Variants in LRRC1 observed in about 807,000 individuals in gnomAD.
The protein encoded by LRRC1 is leucine-rich repeat-containing protein 1.
Under a neutral mutation model 69.9 loss-of-function variants are expected in LRRC1, and 28 were observed. The ratio of observed to expected loss-of-function variants is 0.40; its 90% CI spans 0.30 to 0.55. LRRC1 has a LOEUF of 0.55. Ranked by LOEUF, LRRC1 falls within the 20% of genes least tolerant of loss-of-function variation. The pLI is 0.47. For synonymous variants in LRRC1, 236 were observed against 240.2 expected (o/e 0.98, Z 0.16); for missense variants, 498 against 609.0 (o/e 0.82, Z 1.92).
At chr6:53,889,874 C>T (rs1406415413) in intron 4 of LRRC1, among the ~76,000 whole-genome samples, 5 of 152,102 alleles carry the variant, frequency 3.3e-5, no homozygotes, top group South Asian at 2.1e-4. Context: ...CCTGGGAAAC[C>T]GACCCAGTTT....
At chr6:53,831,671 T>TA (rs1178536337) in intron 1 of LRRC1, among the ~76,000 whole-genome samples, 1 of 152,174 alleles carries the variant, frequency 6.6e-6, no homozygotes, top group Non-Finnish European at 1.5e-5. Flanking sequence ...CTCCATTACT[T>TA]ACAATTTGTA....
chr6:53,889,122 C>T (rs1767591101), intron 4 of LRRC1, among the ~76,000 whole-genome samples: 1 of 152,104 alleles, frequency 6.6e-6, no homozygotes. Flanking sequence ...CAGCATTAGT[C>T]ATCAGGAAAA....
At position 53,898,000 on chromosome 6, in the gene LRRC1, A is replaced by C. The variant is rs1439972396; in HGVS notation, c.642+641A>C. Among the ~76,000 whole-genome samples, 4 of 152,020 alleles carry C rather than the reference A, an allele frequency of 2.6e-5. No homozygotes were observed. In the East Asian group the frequency reaches 7.7e-4, roughly 29 times the overall value. ...TCTGAAACAAACAAAACCAACAGGC[A>C]TTTTCCTCTTGTATTTTTTTCTCCA... On this transcript the variant is annotated intron_variant, in intron 7 of 13. Coordinates refer to ENST00000370888, the MANE Select transcript of LRRC1 (RefSeq NM_018214.5).
chr6:53,897,248 A>C, intron 6 of LRRC1, 37 bp from the exon 7 acceptor site: 5 of 1,384,552 alleles, frequency 3.6e-6, no homozygotes, highest in African/African-American at 1.4e-5. Context: ...TGAAAATTGA[A>C]TCTTTGTTAC....
At position 53,814,691 on chromosome 6, in the gene LRRC1, C is replaced by A. The variant is rs143725330; in HGVS notation, c.159+19276C>A. 3.8e-3 allele frequency among the ~76,000 whole-genome samples: 571 copies of A among 152,260 alleles called. 4 individuals are homozygous for A. The highest frequency in any genetic ancestry group is 0.013 in the African/African-American group (539 of 41,540). On this transcript the variant is annotated intron_variant, in intron 1 of 13. Transcript: ENST00000370888. ...AGACATGCTATATTTATTAAGCTAACGTTAAATTTTCTTATTTTCAGACAT... is the reference window on the plus strand; with the variant it reads ...AGACATGCTATATTTATTAAGCTAAAGTTAAATTTTCTTATTTTCAGACAT...
intron 2 of LRRC1, among the ~76,000 whole-genome samples, chr6:53,857,273 A>G (rs1766340408): frequency 6.6e-6 from 1 of 152,222 alleles, no homozygotes; most frequent in South Asian, 2.1e-4. Context: ...AAGGGAAAGC[A>G]GAGAAAGAGG....
Position 53,870,760 on chromosome 6 carries a change from T to C in LRRC1, c.278-8233T>C, listed in dbSNP as rs74648546. On this transcript the variant is annotated intron_variant, in intron 2 of 13. Coordinates refer to ENST00000370888, the MANE Select transcript of LRRC1 (RefSeq NM_018214.5). ...TATTCCTCTTATCTTACTGTAACTTTATACCTGTCAACTTTTTTCCCATCC... is the reference window on the plus strand; with the variant it reads ...TATTCCTCTTATCTTACTGTAACTTCATACCTGTCAACTTTTTTCCCATCC... 2.0e-3 allele frequency among the ~76,000 whole-genome samples: 299 copies of C among 152,310 alleles called. 4 individuals carry two copies. In the East Asian group the frequency reaches 0.041, roughly 21 times the overall value.
At chr6:53,878,387 C>T (rs190940867) in intron 2 of LRRC1, among the ~76,000 whole-genome samples, 1 of 152,270 alleles carries the variant, frequency 6.6e-6, no homozygotes, top group East Asian at 1.9e-4. Flanking sequence ...ATACAACTCA[C>T]CATAAGGTAG....
At chr6:53,873,394 C>T (rs561703626) in intron 2 of LRRC1, among the ~76,000 whole-genome samples, 11 of 151,416 alleles carry the variant, frequency 7.3e-5, no homozygotes, top group Admixed American at 7.2e-4. Flanking sequence ...TGGGTTCATG[C>T]CATTCTCCTG....
intron 1 of LRRC1, among the ~76,000 whole-genome samples, chr6:53,811,008 A>G (rs1764777607): frequency 6.6e-6 from 1 of 152,166 alleles, no homozygotes; most frequent in Non-Finnish European, 1.5e-5. Flanking sequence ...ATCATCAGGG[A>G]CTTACTTATG....
intron 1 of LRRC1, among the ~76,000 whole-genome samples, chr6:53,806,889 T>C (rs1764648587): frequency 6.6e-6 from 1 of 152,196 alleles, no homozygotes; most frequent in South Asian, 2.1e-4. Flanking sequence ...ACACTGAAGT[T>C]TTTCTCTTTT....
intron 1 of LRRC1, among the ~76,000 whole-genome samples, chr6:53,827,101 C>T (rs1156785711): frequency 6.6e-6 from 1 of 152,132 alleles, no homozygotes; most frequent in Non-Finnish European, 1.5e-5. Flanking sequence ...GGAGATTATG[C>T]ACTAAGAATT....
intron 4 of LRRC1, among the ~76,000 whole-genome samples, chr6:53,886,405 T>G (rs184334228): frequency 7.9e-5 from 12 of 152,308 alleles, no homozygotes; most frequent in Middle Eastern, 3.4e-3. Context: ...ATTTACCTAA[T>G]TTTTGGAGAA....
Position 53,803,366 on chromosome 6 carries a change from T to C in LRRC1, c.159+7951T>C, listed in dbSNP as rs182633942. The stretch of plus-strand genomic sequence containing the variant: ...GAAGTCTAGGGCAAGTTCACCTATT[T>C]TAGGACTCTACCCAGGATTCAGGGC... On this transcript the variant is annotated intron_variant, in intron 1 of 13. Transcript: ENST00000370888. Among the ~76,000 whole-genome samples, 266 of 152,266 alleles carry C rather than the reference T, an allele frequency of 1.7e-3. 1 individual carries two copies. The highest frequency in any genetic ancestry group is 6.1e-3 in the African/African-American group (252 of 41,540).
At chr6:53,852,579 G>A (rs968502178) in intron 2 of LRRC1, among the ~76,000 whole-genome samples, 3 of 152,170 alleles carry the variant, frequency 2.0e-5, no homozygotes, top group African/African-American at 7.2e-5. Context: ...AAGTTGTCAT[G>A]TGCCCCAAAT....
At chr6:53,867,226 A>G (rs1766730507) in intron 2 of LRRC1, among the ~76,000 whole-genome samples, 1 of 152,050 alleles carries the variant, frequency 6.6e-6, no homozygotes, top group Admixed American at 6.5e-5. Flanking sequence ...TCATTTGTGC[A>G]AAGTGTTGAG....
At chr6:53,893,141 A>G (rs545579911) in intron 4 of LRRC1, among the ~76,000 whole-genome samples, 1 of 152,356 alleles carries the variant, frequency 6.6e-6, no homozygotes, top group African/African-American at 2.4e-5. Context: ...TAAGGTACCT[A>G]GCTGCACTTA....
chr6:53,813,577 C>T (rs140410950), intron 1 of LRRC1, among the ~76,000 whole-genome samples: 195 of 101,430 alleles, frequency 1.9e-3, no homozygotes, highest in African/African-American at 6.4e-3. Flanking sequence ...TCAGTTTTTA[C>T]GTGCAGTTTC....
chr6:53,893,934 C>A (rs1767785874), intron 4 of LRRC1, among the ~76,000 whole-genome samples: 1 of 152,040 alleles, frequency 6.6e-6, no homozygotes, highest in South Asian at 2.1e-4. Flanking sequence ...TAACTGTAGC[C>A]TATGCCATTT....
Sources: gnomAD v4.1 joint callset for allele counts (sites outside exome capture counted in the v4.1 genomes callset) on GRCh38, gnomAD v4.1.1 for gene constraint, MANE v1.5 for transcripts, NCBI Gene and HGNC (gene_info 2026-07-23, HGNC 2026-07-21) for gene names.